Variants in SFSWAP observed in about 807,000 individuals in gnomAD.
The protein encoded by SFSWAP is splicing factor, suppressor of white-apricot homolog.
A neutral mutation model predicts 100.7 loss-of-function variants in SFSWAP; 17 were observed. That is an observed-to-expected ratio of 0.17 (90% CI 0.12 to 0.25). SFSWAP has a LOEUF of 0.25. SFSWAP is among the 10% of genes least tolerant of loss of function. SFSWAP has a pLI of 1.00. For missense variants in SFSWAP, 1,005 were observed against 1,262.6 expected (o/e 0.80, Z 3.09); for synonymous variants, 504 against 510.1 (o/e 0.99, Z 0.16).
At chr12:131,717,108 C>T (rs1399631855) in intron 3 of SFSWAP, among the ~76,000 whole-genome samples, 1 of 152,230 alleles carries the variant, frequency 6.6e-6, no homozygotes, top group Non-Finnish European at 1.5e-5. Flanking sequence ...ACCTAACACA[C>T]ACACACACAT....
chr12:131,771,577 C>A (rs1007233232), intron 13 of SFSWAP, among the ~76,000 whole-genome samples: 1 of 150,964 alleles, frequency 6.6e-6, no homozygotes, highest in African/African-American at 2.4e-5. Flanking sequence ...ATCAGCCTTT[C>A]GGTGGGAAAG....
chr12:131,784,231 T>TG (rs141784280), intron 14 of SFSWAP: 3,571 of 152,412 alleles, frequency 0.023, 140 homozygotes, highest in African/African-American at 0.079. Context: ...GTCACCGGGC[T>TG]GGGACACGAG....
rs1396555789 is a variant in SFSWAP, at chr12:131,794,758, C to T, written c.2535-2420C>T. On this transcript the variant is annotated intron_variant, in intron 15 of 17. Transcript: ENST00000261674. This position sits in a 1 kb window ranked among gnomAD's most constrained non-coding sequence, Gnocchi z 4.8. ...CCAGGTGTCAGGGTGTGCGCACTTG[C>T]CAAGCTCAGCGGCAGCACCGAGGAC... Among the ~76,000 whole-genome samples, 2 of 152,170 alleles carry T rather than the reference C, an allele frequency of 1.3e-5. No homozygotes were observed. Among genetic ancestry groups the T allele is most frequent in the Admixed American group, 6.5e-5 (1 of 15,270 alleles).
chr12:131,738,885 C>CTATTTTTTTTTTTTTTTTTT, intron 7 of SFSWAP, among the ~76,000 whole-genome samples: 1 of 48,718 alleles, frequency 2.1e-5, no homozygotes, highest in Non-Finnish European at 4.1e-5. Context: ...GAACATTATT[C>CTATTTTTTTTTTTTTTTTTT]TTTTTTTTTT....
At chr12:131,719,624 A>C in intron 4 of SFSWAP, 85 bp downstream of exon 4, 1 of 1,084,058 alleles carries the variant, frequency 9.2e-7, no homozygotes, top group Non-Finnish European at 1.4e-6. Flanking sequence ...AATAATGATT[A>C]TAGCTGCTTT....
chr12:131,791,502 C>G (rs574404785), intron 15 of SFSWAP, among the ~76,000 whole-genome samples: 5 of 152,314 alleles, frequency 3.3e-5, no homozygotes, highest in Admixed American at 3.3e-4. Context: ...TCTGTAATCC[C>G]AGCACTTCAG....
At position 131,797,288 on chromosome 12, in the gene SFSWAP, CCGCGGCCCA is replaced by C. The variant is rs1392395096; in HGVS notation, c.2647_2655del (p.Ala883_His885del). 3 of 1,611,666 alleles carry C rather than the reference CCGCGGCCCA, an allele frequency of 1.9e-6. No homozygotes were observed. The highest frequency in any genetic ancestry group is 2.5e-6 in the Non-Finnish European group (3 of 1,179,174). On this transcript the variant is annotated inframe_deletion, in exon 16 of 18. Coordinates refer to ENST00000261674, the MANE Select transcript of SFSWAP (RefSeq NM_004592.4). ...CAGGCAGCGCCCCGGCCCGCGGCCC[CCGCGGCCCA>C]CTCGGCGCACTCAGCCAGCGTCTCC...
chr12:131,756,572 G>A lies in SFSWAP; in HGVS notation c.1648G>A (p.Ala550Thr). 1 of 1,613,802 alleles carries A rather than the reference G, an allele frequency of 6.2e-7. No homozygotes were observed. Among genetic ancestry groups the A allele is most frequent in the South Asian group, 1.1e-5 (1 of 91,040 alleles). ...GAPEDAAEVG[A>T]RAGSGGKKEA... ...GCCTGAAGACGCAGCCGAGGTGGGA[G>A]CACGGGCAGGCTCAGGCGGGAAGAA... is the stretch of plus-strand genomic sequence containing the variant. Residue 550 changes from alanine to threonine, a missense_variant, in exon 11 of 18, where the codon GCA (alanine) becomes ACA (threonine). Physicochemically the swap from Ala to Thr is moderately conservative, Grantham distance 58. This residue lies in a region of SFSWAP where 311 missense variants were observed against 317.8 expected (regional missense o/e 0.98). Coordinates refer to ENST00000261674, the MANE Select transcript of SFSWAP (RefSeq NM_004592.4).
Position 131,748,490 on chromosome 12 carries a change from T to C in SFSWAP, c.1082-4633T>C, listed in dbSNP as rs12320011. Among the ~76,000 whole-genome samples, 767 of 152,300 alleles carry C rather than the reference T, an allele frequency of 5.0e-3. 8 individuals carry two copies. The highest frequency in any genetic ancestry group is 0.017 in the African/African-American group (724 of 41,564). On this transcript the variant is annotated intron_variant, in intron 7 of 17. Coordinates refer to ENST00000261674, the MANE Select transcript of SFSWAP (RefSeq NM_004592.4). ...TCATTCTTAATATACACATTGTTCA[T>C]CCTCCCTGACTTAGCTCTTCCAGAA...
intron 8 of SFSWAP, among the ~76,000 whole-genome samples, chr12:131,753,843 C>T (rs1881894463): frequency 6.6e-6 from 1 of 152,220 alleles, no homozygotes. Flanking sequence ...GCCCTAGCTT[C>T]TCCAGCAGCG....
At chr12:131,718,384 G>T (rs1319439341) in intron 3 of SFSWAP, among the ~76,000 whole-genome samples, 1 of 152,122 alleles carries the variant, frequency 6.6e-6, no homozygotes, top group Non-Finnish European at 1.5e-5. Flanking sequence ...CCTTAAAAAT[G>T]TTACCTTTTT....
chr12:131,728,267 T>C (rs1879175208), intron 6 of SFSWAP, 26 bp from the exon 7 acceptor site: 6 of 1,613,834 alleles, frequency 3.7e-6, no homozygotes, highest in Non-Finnish European at 5.1e-6. Flanking sequence ...TATTGAATGC[T>C]AAGGCTGTGT....
rs1039255978 is a variant in SFSWAP, at chr12:131,727,160, T to C, written c.945+108T>C. 6.1e-5 allele frequency: 42 copies of C among 692,794 alleles called. No individual in the cohort carries two copies. In the African/African-American group the frequency reaches 6.6e-4, roughly 11 times the overall value. 42.9% of individuals were successfully genotyped at this position (692,794 alleles called of 1,614,324 possible). ...ATTCTTGTGTGTTACAGTTGTATCT[T>C]ATTTTATCATCATTGAGGTGTATTT... On this transcript the variant is annotated intron_variant, in intron 6 of 17. Transcript: ENST00000261674.
chr12:131,764,704 A>C lies in SFSWAP; in HGVS notation c.1951+18A>C. On this transcript the variant is annotated intron_variant, in intron 12 of 17. Transcript: ENST00000261674. ...AAAGCAAGGTTTGTTGATAGCTTTT[A>C]AACTTCTTGAAAGAAAGGAAATACA... The C allele has an allele frequency of 6.5e-7, 1 of 1,537,828 alleles. No homozygotes were observed. Among genetic ancestry groups the C allele is most frequent in the Non-Finnish European group, 8.9e-7 (1 of 1,118,636 alleles).
intron 13 of SFSWAP, among the ~76,000 whole-genome samples, chr12:131,774,455 G>A (rs973173876): frequency 7.9e-5 from 12 of 152,222 alleles, no homozygotes; most frequent in South Asian, 4.2e-4. Context: ...AGTGGCCGGC[G>A]GTAAGCTGTT....
intron 15 of SFSWAP, among the ~76,000 whole-genome samples, chr12:131,789,295 T>C (rs940191644): frequency 2.0e-5 from 3 of 152,218 alleles, no homozygotes; most frequent in Non-Finnish European, 2.9e-5. Context: ...TTCTGTAAAC[T>C]GATTATTGCC....
intron 7 of SFSWAP, among the ~76,000 whole-genome samples, chr12:131,736,410 G>A (rs914505688): frequency 2.0e-5 from 3 of 151,516 alleles, no homozygotes. Context: ...TAAAAAATGA[G>A]GGGAAAAAAA....
Position 131,748,783 on chromosome 12 carries a change from G to A in SFSWAP, c.1082-4340G>A, listed in dbSNP as rs1015750825. Among the ~76,000 whole-genome samples, 5 of 152,184 alleles carry A rather than the reference G, an allele frequency of 3.3e-5. No homozygotes were observed. In the South Asian group the frequency reaches 1.0e-3, roughly 32 times the overall value. ...CCTGCTTTTAAGCAGCTTGGTTCTC[G>A]TCATACAACTATACTTGCCTTTAGG... On this transcript the variant is annotated intron_variant, in intron 7 of 17. Transcript: ENST00000261674.
At chr12:131,738,582 C>G (rs971279217) in intron 7 of SFSWAP, among the ~76,000 whole-genome samples, 1 of 152,088 alleles carries the variant, frequency 6.6e-6, no homozygotes, top group Non-Finnish European at 1.5e-5. Context: ...TTCTTTTATG[C>G]CTAAAGAATT....
Sources: allele counts gnomAD v4.1 joint callset (sites outside exome capture counted in the v4.1 genomes callset), GRCh38; gene constraint gnomAD v4.1.1; regional missense constraint gnomAD v4.1.1; non-coding constraint Gnocchi (gnomAD v3.1); transcripts MANE v1.5; gene names NCBI Gene and HGNC (gene_info 2026-07-23, HGNC 2026-07-21).